Variants in ADAM19 observed in about 807,000 individuals in gnomAD.
ADAM19 encodes disintegrin and metalloproteinase domain-containing protein 19.
In ADAM19, 65 loss-of-function variants were observed where a neutral mutation model predicts 114.7. The observed-to-expected ratio is 0.57, with a 90% CI of 0.46 to 0.70. The LOEUF (loss-of-function observed/expected upper bound fraction) is 0.70, where lower values mean the gene tolerates loss of function less well. Ranked by LOEUF, ADAM19 falls within the 30% of genes least tolerant of loss-of-function variation. ADAM19 has a pLI of 0.00. For missense variants in ADAM19, 1,063 were observed against 1,204.7 expected, an observed-to-expected ratio of 0.88 and a Z score of 1.74; for synonymous variants, 466 against 460.5, an observed-to-expected ratio of 1.01 and a Z score of -0.15.
At chr5:157,512,645 G>A (rs921159269) in intron 8 of ADAM19, among the ~76,000 whole-genome samples, 5 of 152,146 alleles carry the variant, frequency 3.3e-5, no homozygotes, top group Non-Finnish European at 7.4e-5. Flanking sequence ...AGACCAGCCC[G>A]TTCTAGTAAA....
chr5:157,493,323 C>A (rs765111173), intron 15 of ADAM19, 146 bp from the exon 16 acceptor site: 5 of 770,700 alleles, frequency 6.5e-6, no homozygotes, highest in Non-Finnish European at 1.0e-5. Flanking sequence ...TGCTTTGGAA[C>A]CCACCAGGAG....
intron 10 of ADAM19, among the ~76,000 whole-genome samples, 163 bp downstream of exon 10, chr5:157,506,893 T>A (rs1755759123): frequency 6.6e-6 from 1 of 152,202 alleles, no homozygotes; most frequent in African/African-American, 2.4e-5. Context: ...AGTACCTCCA[T>A]CTCTTAGAAC....
intron 14 of ADAM19, 103 bp from the exon 15 acceptor site, chr5:157,494,898 G>T: frequency 1.2e-6 from 1 of 858,884 alleles, no homozygotes. Flanking sequence ...TTTTCTGGGA[G>T]GGAATACTCA....
intron 1 of ADAM19, among the ~76,000 whole-genome samples, chr5:157,572,999 A>T (rs1382188663): frequency 6.6e-6 from 1 of 152,116 alleles, no homozygotes; most frequent in Non-Finnish European, 1.5e-5. Context: ...GCGCCAGTGC[A>T]CTCCAGCCTG....
rs1026577243 is a variant in ADAM19, at chr5:157,575,664, G to A, written c.33C>T (p.Cys11=). Residue 11 remains cysteine, a synonymous_variant, in exon 1 of 23, where the codon TGC becomes TGT. Transcript: ENST00000257527. The part of the protein sequence containing the change: MPGGAGAARL[C]LLAFALQPLR... Reference sequence around the variant, plus strand: ...GGGGCTGCAGGGCAAACGCCAGCAAGCAGAGCCGGGCGGCGCCTGCGCCCC... The same window carrying A: ...GGGGCTGCAGGGCAAACGCCAGCAAACAGAGCCGGGCGGCGCCTGCGCCCC... 4.0e-5 allele frequency: 55 copies of A among 1,368,788 alleles called. No individual in the cohort carries two copies. The highest frequency in any genetic ancestry group is 5.0e-5 in the Non-Finnish European group (53 of 1,069,422). 84.8% of individuals were successfully genotyped at this position (1,368,788 alleles called of 1,614,324 possible).
chr5:157,496,140 ATCTGGC>A (rs1755358098), intron 14 of ADAM19, among the ~76,000 whole-genome samples: 1 of 151,896 alleles, frequency 6.6e-6, no homozygotes, highest in South Asian at 2.1e-4. Context: ...AAGCCACCAA[ATCTGGC>A]TTGAAAGCAT....
At chr5:157,507,206 G>T in intron 9 of ADAM19, 66 bp from the exon 10 acceptor site, 1 of 1,511,314 alleles carries the variant, frequency 6.6e-7, no homozygotes, top group South Asian at 1.1e-5. Context: ...ATGTGCCTGG[G>T]AGTAAGTGGC....
chr5:157,499,461 G>T, intron 13 of ADAM19, 112 bp downstream of exon 13: 1 of 879,350 alleles, frequency 1.1e-6, no homozygotes, highest in Non-Finnish European at 1.9e-6. Context: ...AAACTCTGTT[G>T]CCATCACAGC....
intron 5 of ADAM19, among the ~76,000 whole-genome samples, chr5:157,522,143 G>A (rs1026657439): frequency 3.3e-5 from 5 of 152,206 alleles, no homozygotes; most frequent in African/African-American, 2.4e-5. Context: ...TTGGCACTGT[G>A]CTAAGTGAGC....
At chr5:157,560,253 A>G (rs1228900284) in intron 3 of ADAM19, among the ~76,000 whole-genome samples, 1 of 118,080 alleles carries the variant, frequency 8.5e-6, no homozygotes, top group Admixed American at 9.6e-5. Flanking sequence ...CGACAGAGCG[A>G]GACTCCGTCT....
chr5:157,515,396 G>A (rs1229633608), intron 7 of ADAM19, among the ~76,000 whole-genome samples: 1 of 152,154 alleles, frequency 6.6e-6, no homozygotes, highest in Non-Finnish European at 1.5e-5. Flanking sequence ...TTTAAGGAGC[G>A]AATTCTGTTG....
intron 1 of ADAM19, among the ~76,000 whole-genome samples, 199 bp downstream of exon 1, chr5:157,575,404 G>A (rs1276269298): frequency 6.6e-6 from 1 of 152,244 alleles, no homozygotes; most frequent in East Asian, 1.9e-4. Flanking sequence ...GCTGCGCCGG[G>A]TTTCCCCGAC....
chr5:157,519,761 T>A (rs528555938), intron 6 of ADAM19, 78 bp downstream of exon 6: 1 of 1,355,256 alleles, frequency 7.4e-7, no homozygotes, highest in African/African-American at 1.5e-5. Flanking sequence ...GAAATACTCC[T>A]GGATTCAAAG....
At position 157,493,127 on chromosome 5, in the gene ADAM19, A is replaced by C. The variant is rs1262385352; in HGVS notation, c.1754T>G (p.Leu585Arg). 4 of 1,614,228 alleles carry C rather than the reference A, an allele frequency of 2.5e-6. No individual in the cohort carries two copies. The highest frequency in any genetic ancestry group is 3.4e-6 in the Non-Finnish European group (4 of 1,180,036). ...IQCQSSEARP[L>R]ESNAVPIDTT... ...GTCAATGGGCACCGCGTTGGACTCC[A>C]GGGGCCGGGCCTCAGAGCTCTGACA... Residue 585 changes from leucine (L) to arginine (R), a missense_variant, in exon 16 of 23, where the codon CTG becomes CGG. Coordinates refer to ENST00000257527, the MANE Select transcript of ADAM19 (RefSeq NM_033274.5).
At position 157,480,643 on chromosome 5, in the gene ADAM19, C is replaced by T. The variant is rs2113679758; in HGVS notation, c.*306G>A. 1 of 1,188,072 alleles carries T rather than the reference C, an allele frequency of 8.4e-7. No individual in the cohort carries two copies. Among genetic ancestry groups the T allele is most frequent in the Middle Eastern group, 3.6e-4 (1 of 2,812 alleles). 73.6% of individuals were successfully genotyped at this position (1,188,072 alleles called of 1,614,324 possible). A position where few individuals can be genotyped will look rare whatever the true frequency, so the allele number is the denominator to read the frequency against. ...TGCTGGCCTTGAGCATCTCCATCAG[C>T]ACCTCGGGGCTAGGAGTCTGGAGGA... On this transcript the variant is annotated 3_prime_UTR_variant, in exon 23 of 23. Transcript: ENST00000257527.
intron 3 of ADAM19, among the ~76,000 whole-genome samples, chr5:157,562,561 A>G (rs1353983208): frequency 6.6e-6 from 1 of 152,130 alleles, no homozygotes; most frequent in Non-Finnish European, 1.5e-5. Flanking sequence ...AAACAAGGAC[A>G]CCGAAGTTCC....
chr5:157,484,449 C>T (rs375362999), intron 21 of ADAM19, among the ~76,000 whole-genome samples: 151 of 152,260 alleles, frequency 9.9e-4, no homozygotes, highest in African/African-American at 1.4e-3. Flanking sequence ...CCGCAGGCCC[C>T]CAAGCTGTTG....
chr5:157,556,209 C>CTTTTTTTTTTTTTTTTTTTTTTT (rs68078503), intron 3 of ADAM19, among the ~76,000 whole-genome samples: 1 of 66,326 alleles, frequency 1.5e-5, no homozygotes, highest in African/African-American at 6.0e-5. Flanking sequence ...TTTTCTTTTT[C>CTTTTTTTTTTTTTTTTTTTTTTT]TTTTTTTTTT....
At chr5:157,551,180 G>C (rs528282945) in intron 3 of ADAM19, among the ~76,000 whole-genome samples, 1 of 151,870 alleles carries the variant, frequency 6.6e-6, no homozygotes, top group African/African-American at 2.4e-5. Context: ...CGAGGCAGGC[G>C]AATCACCTGA....
Sources: allele counts gnomAD v4.1 joint callset (sites outside exome capture counted in the v4.1 genomes callset), GRCh38; gene constraint gnomAD v4.1.1; transcripts MANE v1.5; gene names NCBI Gene and HGNC (gene_info 2026-07-23, HGNC 2026-07-21).